MSH3: variants seen among roughly 807,000 people sequenced by gnomAD.
MSH3 encodes DNA mismatch repair protein Msh3.
A neutral mutation model predicts 123.3 loss-of-function variants in MSH3; 106 were observed. The observed-to-expected ratio is 0.86, with a 90% CI of 0.73 to 1.01. The LOEUF is 1.01. Among genes scored for constraint, MSH3 ranks in the 50% least tolerant of loss-of-function variants. MSH3 has a pLI of 0.00. For synonymous variants in MSH3, 515 were observed against 481.4 expected, an observed-to-expected ratio of 1.07 and a Z score of -0.91; for missense variants, 1,459 against 1,347.6, an observed-to-expected ratio of 1.08 and a Z score of -1.29.
intron 21 of MSH3, chr5:80,855,987 TGATCCTTCCACTTCGGCCTCCC>T (rs1462336155): frequency 2.0e-5 from 3 of 150,646 alleles, no homozygotes; most frequent in African/African-American, 7.4e-5. Flanking sequence ...TGGGCCCAGG[TGATCCTTCCACTTCGGCCTCCC>T]GAGTAGCTGG....
rs140749169 is a variant in MSH3, at chr5:80,665,324, A to T, written c.540A>T (p.Ala180=). ...DDISLLHAKN[A]VSSEDSKRQI... is the part of the protein sequence containing the mutation. ...TCAGTCTTCTACACGCAAAGAATGCAGTTTCTTCTGAAGATTCGAAACGTC... is the reference window on the plus strand; with the variant it reads ...TCAGTCTTCTACACGCAAAGAATGCTGTTTCTTCTGAAGATTCGAAACGTC... The change falls in exon 3 of 24, where the codon GCA becomes GCT. Residue 180 remains alanine (A), a synonymous_variant. Coordinates refer to ENST00000265081, the MANE Select transcript of MSH3 (RefSeq NM_002439.5). 1 of 1,613,350 alleles carries T rather than the reference A, an allele frequency of 6.2e-7. No homozygotes were observed. Among genetic ancestry groups the T allele is most frequent in the East Asian group, 2.2e-5 (1 of 44,862 alleles).
intron 8 of MSH3, among the ~76,000 whole-genome samples, chr5:80,711,641 T>A (rs1750861379): frequency 6.6e-6 from 1 of 152,066 alleles, no homozygotes; most frequent in Non-Finnish European, 1.5e-5. Context: ...GACAGCACAT[T>A]TTCTTTTTTT....
chr5:80,721,175 T>C (rs928890744), intron 8 of MSH3, among the ~76,000 whole-genome samples: 1 of 152,258 alleles, frequency 6.6e-6, no homozygotes, highest in African/African-American at 2.4e-5. Flanking sequence ...GAGGTTCATT[T>C]TGCTGCATAT....
intron 8 of MSH3, among the ~76,000 whole-genome samples, chr5:80,721,771 T>A (rs561278194): frequency 1.4e-4 from 22 of 152,314 alleles, no homozygotes; most frequent in Admixed American, 5.9e-4. Flanking sequence ...ATTATTTCAA[T>A]AAAATATTAT....
chr5:80,680,505 G>A (rs1359814712), intron 8 of MSH3, among the ~76,000 whole-genome samples: 1 of 150,292 alleles, frequency 6.7e-6, no homozygotes, highest in Non-Finnish European at 1.5e-5. Context: ...TTATTTCCGT[G>A]TGTGTATATC....
At position 80,825,693 on chromosome 5, in the gene MSH3, A is replaced by G. The variant is rs541771956; in HGVS notation, c.2813+11952A>G. ...TAGAATCCCACCACCAGTGTTTAAA[A>G]GTTTGTTCTCATGCTTAAAATAGAT... On this transcript the variant is annotated intron_variant, in intron 20 of 23. Transcript: ENST00000265081. Among the ~76,000 whole-genome samples the G allele has an allele frequency of 6.6e-5, 10 of 152,294 alleles. No individual in the cohort carries two copies. The East Asian group carries it at 1.2e-3, about 18-fold the overall frequency.
At chr5:80,770,773 G>A (rs1744201781) in intron 15 of MSH3, among the ~76,000 whole-genome samples, 2 of 152,078 alleles carry the variant, frequency 1.3e-5, no homozygotes, top group South Asian at 4.1e-4. Context: ...AGAGCTCATA[G>A]TATTCAAAAT....
intron 4 of MSH3, among the ~76,000 whole-genome samples, chr5:80,671,531 C>G (rs980027700): frequency 6.6e-6 from 1 of 152,120 alleles, no homozygotes; most frequent in Non-Finnish European, 1.5e-5. Flanking sequence ...ATCCCCTAGG[C>G]GAAGGAGAGA....
intron 21 of MSH3, among the ~76,000 whole-genome samples, chr5:80,855,025 A>G (rs931106443): frequency 1.3e-5 from 2 of 152,156 alleles, no homozygotes; most frequent in Non-Finnish European, 2.9e-5. Flanking sequence ...TATCTGATTC[A>G]GTAACATCAT....
chr5:80,702,886 GCT>G (rs1750643733), intron 8 of MSH3, among the ~76,000 whole-genome samples: 1 of 152,056 alleles, frequency 6.6e-6, no homozygotes, highest in African/African-American at 2.4e-5. Context: ...ATGGCAAGCA[GCT>G]GTAGTCCCAG....
intron 13 of MSH3, among the ~76,000 whole-genome samples, chr5:80,762,825 G>GTTATTTTATGTTATT (rs59106049): frequency 0.016 from 2,198 of 140,472 alleles, 25 homozygotes; most frequent in East Asian, 0.053. Context: ...GTTATGTTAT[G>GTTATTTTATGTTATT]TTATGTTATT....
chr5:80,667,020 C>T (rs1431501932), intron 3 of MSH3, among the ~76,000 whole-genome samples: 2 of 151,982 alleles, frequency 1.3e-5, no homozygotes, highest in Non-Finnish European at 2.9e-5. Flanking sequence ...TTAATATGTA[C>T]AACAAACCCT....
chr5:80,711,300 G>C (rs1395219980), intron 8 of MSH3, among the ~76,000 whole-genome samples: 3 of 152,180 alleles, frequency 2.0e-5, no homozygotes, highest in Non-Finnish European at 2.9e-5. Context: ...ATAGGTCCTG[G>C]TGTGTTTCTT....
intron 20 of MSH3, among the ~76,000 whole-genome samples, chr5:80,818,695 A>C (rs1745149789): frequency 6.6e-6 from 1 of 152,220 alleles, no homozygotes; most frequent in Admixed American, 6.5e-5. Context: ...ACATGCTAAA[A>C]TGTTTACATA....
intron 15 of MSH3, among the ~76,000 whole-genome samples, chr5:80,772,467 G>A (rs1744229323): frequency 6.6e-6 from 1 of 152,110 alleles, no homozygotes; most frequent in South Asian, 2.1e-4. Flanking sequence ...TGATACCACA[G>A]GCTATATAGA....
chr5:80,741,512 A>T lies in MSH3; in HGVS notation c.1617A>T (p.Gly539=). ...AAATGGAATTTATGACAATTAATGG[A>T]ACAACATTAAGGAATCTGGAAATCC... ...SSKMEFMTIN[G]TTLRNLEILQ... The change falls in exon 11 of 24, where the codon GGA becomes GGT. Residue 539 remains glycine (G), a synonymous_variant. Transcript: ENST00000265081. 6.2e-7 allele frequency: 1 copy of T among 1,608,006 alleles called. No individual in the cohort carries two copies.
At chr5:80,840,899 A>G (rs1008978238) in intron 20 of MSH3, among the ~76,000 whole-genome samples, 15 of 140,512 alleles carry the variant, frequency 1.1e-4, no homozygotes, top group African/African-American at 4.0e-4. Context: ...TTTAAATTTT[A>G]AGAAATGCTC....
At chr5:80,845,996 G>T (rs909229394) in intron 20 of MSH3, among the ~76,000 whole-genome samples, 1 of 152,138 alleles carries the variant, frequency 6.6e-6, no homozygotes, top group Non-Finnish European at 1.5e-5. Context: ...CTGGTTTTCG[G>T]AAGTTTCTGC....
chr5:80,873,616 G>T (rs1417094466), intron 23 of MSH3, among the ~76,000 whole-genome samples: 1 of 152,148 alleles, frequency 6.6e-6, no homozygotes, highest in African/African-American at 2.4e-5. Context: ...ACCTACAGAA[G>T]ATTTCTTTTA....
Sources: allele counts gnomAD v4.1 joint callset (sites outside exome capture counted in the v4.1 genomes callset), GRCh38; gene constraint gnomAD v4.1.1; transcripts MANE v1.5; gene names NCBI Gene and HGNC (gene_info 2026-07-23, HGNC 2026-07-21).